The following LIMD2 variants were observed in gnomAD, a reference collection of about 807,000 sequenced individuals.
LIMD2 encodes the protein LIM domain-containing protein 2.
Under a neutral mutation model 16.0 loss-of-function variants are expected in LIMD2, and 11 were observed. The ratio of observed to expected loss-of-function variants is 0.69; its 90% CI spans 0.43 to 1.14. LIMD2 has a LOEUF of 1.14. Ranked by LOEUF, LIMD2 falls within the 50% of genes most tolerant of loss-of-function variation. LIMD2 has a pLI of 0.00. For missense variants in LIMD2, 168 were observed against 165.8 expected, an observed-to-expected ratio of 1.01 and a Z score of -0.07; for synonymous variants, 60 against 67.1, an observed-to-expected ratio of 0.89 and a Z score of 0.52.
Position 63,698,172 on chromosome 17 carries a change from C to T in LIMD2, c.*380G>A, listed in dbSNP as rs1406747598. The T allele has an allele frequency of 4.1e-6, 1 of 244,944 alleles. No homozygotes were observed. Among genetic ancestry groups the T allele is most frequent in the African/African-American group, 2.3e-5 (1 of 44,066 alleles). 15.2% of individuals were successfully genotyped at this position (244,944 alleles called of 1,614,324 possible). A position where few individuals can be genotyped will look rare whatever the true frequency, so the allele number is the denominator to read the frequency against. On this transcript the variant is annotated 3_prime_UTR_variant, in exon 5 of 5. Transcript: ENST00000259006. ...GGTAGATGGGGAGACGTGGGGGCCACACAGTCTCCGGTGGCAGTGAGGGAG... is the reference window on the plus strand; with the variant it reads ...GGTAGATGGGGAGACGTGGGGGCCATACAGTCTCCGGTGGCAGTGAGGGAG...
rs1420750090 is a variant in LIMD2 at position 63,697,459 on chromosome 17, G to A, written c.*1093C>T. 6.6e-6 allele frequency: 1 copy of A among 152,250 alleles called. No individual in the cohort carries two copies. The highest frequency in any genetic ancestry group is 1.5e-5 in the Non-Finnish European group (1 of 68,068). 9.4% of individuals were successfully genotyped at this position (152,250 alleles called of 1,614,324 possible). A position where few individuals can be genotyped will look rare whatever the true frequency, so the allele number is the denominator to read the frequency against. On this transcript the variant is annotated 3_prime_UTR_variant, in exon 5 of 5. Coordinates refer to ENST00000259006, the MANE Select transcript of LIMD2 (RefSeq NM_030576.4). ...CGCGGCAGCTTGCACCCCAGGCACT[G>A]AAGTGCAGCGAGGACAGGCGCCATC...
At position 63,697,005 on chromosome 17, in the gene LIMD2, C is replaced by A. The variant is rs78542048; in HGVS notation, c.*1547G>T. The A allele has an allele frequency of 6.6e-6, 1 of 152,144 alleles. No homozygotes were observed. The highest frequency in any genetic ancestry group is 6.5e-5 in the Admixed American group (1 of 15,276). The allele number at this position is 152,144 out of a possible 1,614,324, so 9.4% of individuals were successfully genotyped here. On this transcript the variant is annotated 3_prime_UTR_variant, in exon 5 of 5. Coordinates refer to ENST00000259006, the MANE Select transcript of LIMD2 (RefSeq NM_030576.4). ...AGGCAGTTGTATGGTGTGGTGGCAG[C>A]AAACCCTCCAGGAGTCTCTGTTCTC... is the stretch of plus-strand genomic sequence containing the variant.
intron 1 of LIMD2, 177 bp downstream of exon 1, chr17:63,699,855 G>C: frequency 1.0e-6 from 1 of 983,016 alleles, no homozygotes; most frequent in Non-Finnish European, 1.2e-6. Context: ...CCCCGCCAGC[G>C]GGTCTCGGCT....
Position 63,700,104 on chromosome 17 carries a change from G to A in LIMD2, c.-123C>T. ...GGGTACGAGGAGGGCGCGGGCGCGAGCTGCTGCCGCTACCAGTGGTCCCCG... is the reference window on the plus strand; with the variant it reads ...GGGTACGAGGAGGGCGCGGGCGCGAACTGCTGCCGCTACCAGTGGTCCCCG... On this transcript the variant is annotated 5_prime_UTR_variant, in exon 1 of 5. Coordinates refer to ENST00000259006, the MANE Select transcript of LIMD2 (RefSeq NM_030576.4). The surrounding 1 kb of genome is among the most constrained non-coding windows in gnomAD (Gnocchi z 7.1). 3 of 984,836 alleles carry A rather than the reference G, an allele frequency of 3.0e-6. No homozygotes were observed. The highest frequency in any genetic ancestry group is 3.6e-6 in the Non-Finnish European group (3 of 829,512). The allele number at this position is 984,836 out of a possible 1,614,324, so 61.0% of individuals were successfully genotyped here.
chr17:63,699,128 C>A, intron 2 of LIMD2, 59 bp from the exon 3 acceptor site: 2 of 1,577,096 alleles, frequency 1.3e-6, no homozygotes, highest in South Asian at 2.3e-5. Context: ...ATCAGGGCTG[C>A]AGCCATCAGC....
At position 63,696,421 on chromosome 17, in the gene LIMD2, C is replaced by T. The variant is rs532872760; in HGVS notation, c.*2131G>A. The T allele has an allele frequency of 1.3e-5, 2 of 152,368 alleles. No individual in the cohort carries two copies. Among genetic ancestry groups the T allele is most frequent in the East Asian group, 3.9e-4 (2 of 5,166 alleles). 9.4% of individuals were successfully genotyped at this position (152,368 alleles called of 1,614,324 possible). On this transcript the variant is annotated 3_prime_UTR_variant, in exon 5 of 5. Transcript: ENST00000259006. ...CCTGGGCCTTTCAAGCAGAAGAGAACTTGACTCCAAGTAGAGGGGTCCTGG... is the reference window on the plus strand; with the variant it reads ...CCTGGGCCTTTCAAGCAGAAGAGAATTTGACTCCAAGTAGAGGGGTCCTGG...
Position 63,698,671 on chromosome 17 carries a change from T to C in LIMD2, c.265A>G (p.Lys89Glu). Residue 89 changes from lysine (K) to glutamate (E), a missense_variant, in exon 5 of 5, where the codon AAA (lysine) becomes GAA (glutamate). Coordinates refer to ENST00000259006, the MANE Select transcript of LIMD2 (RefSeq NM_030576.4). ...YAALHGEFYC[K>E]PHFQQLFKSK... ...TTAAACAGCTGCTGGAAGTGGGGTT[T>C]GCAGTAGAACTCCCCGTGCAGCGCG... 6.2e-7 allele frequency: 1 copy of C among 1,613,604 alleles called. No individual in the cohort carries two copies. Among genetic ancestry groups the C allele is most frequent in the South Asian group, 1.1e-5 (1 of 91,086 alleles).
rs769558546 is a variant in LIMD2, at chr17:63,698,570, G to A, written c.366C>T (p.Pro122=). 1.1e-5 allele frequency: 17 copies of A among 1,613,694 alleles called. No individual in the cohort carries two copies. The South Asian group carries it at 1.6e-4, about 16-fold the overall frequency. ...AGAGGCCTCAGGCCGTCTTGGTGCC[G>A]GGGTCCACCTCCTTGTGGGCCCAGA... The part of the protein sequence containing the change: ...KELWAHKEVD[P]GTKTA Residue 122 remains proline, a synonymous_variant, in exon 5 of 5, where the codon CCC becomes CCT. Transcript: ENST00000259006.
upstream of LIMD2, chr17:63,700,826 C>G (rs989400886): frequency 1.4e-5 from 2 of 147,688 alleles, no homozygotes; most frequent in Non-Finnish European, 2.9e-5. This position sits in a 1 kb window ranked among gnomAD's most constrained non-coding sequence, Gnocchi z 7.1. Context: ...CCCCGGCAGC[C>G]CCCCCAGCCC....
In LIMD2 at chr17:63,699,634, G is replaced by A. The variant is rs1316947414; in HGVS notation, c.-50-286C>T. 3.1e-5 allele frequency: 9 copies of A among 293,776 alleles called. 1 individual carries two copies. Among genetic ancestry groups the A allele is most frequent in the Non-Finnish European group, 5.9e-6 (1 of 170,234 alleles). The allele number at this position is 293,776 out of a possible 1,614,324, so 18.2% of individuals were successfully genotyped here. On this transcript the variant is annotated intron_variant, in intron 1 of 4. Transcript: ENST00000259006. ...CGTGTGCGTCCCGCGGGCTGGGACC[G>A]CTTGGGGTGAGGGGAGGTCGGGGCC...
rs753084438 is a variant in LIMD2 at position 63,698,751 on chromosome 17, G to T, written c.225-40C>A. 1.9e-5 allele frequency: 30 copies of T among 1,612,998 alleles called. No homozygotes were observed. In the South Asian group the frequency reaches 3.3e-4, roughly 18 times the overall value. On this transcript the variant is annotated intron_variant, in intron 4 of 4. Coordinates refer to ENST00000259006, the MANE Select transcript of LIMD2 (RefSeq NM_030576.4). ...CAACGGCGTCAGGTCAGGTCAGGTC[G>T]GGGCTGGGTTGGCAGGCGAGGCGGG...
In LIMD2 at chr17:63,699,286, C is replaced by T. The variant is rs1294873762; in HGVS notation, c.13G>A (p.Ala5Thr). The change falls in exon 2 of 5, where the codon GCA becomes ACA. Residue 5 changes from alanine to threonine, a missense_variant. Physicochemically the swap from Ala to Thr is moderately conservative, Grantham distance 58. Coordinates refer to ENST00000259006, the MANE Select transcript of LIMD2 (RefSeq NM_030576.4). The part of the protein sequence containing the change: MFQA[A>T]GAAQATPSHD... ...GAGGGGGTGGCCTGGGCGGCTCCTG[C>T]AGCCTGGAACATGGCTCGTTGGAGG... is the stretch of plus-strand genomic sequence containing the variant. The T allele has an allele frequency of 6.2e-7, 1 of 1,609,206 alleles. No individual in the cohort carries two copies. The highest frequency in any genetic ancestry group is 1.7e-5 in the Admixed American group (1 of 59,292).
At position 63,698,878 on chromosome 17, in the gene LIMD2, G is replaced by C. The variant is rs765499799; in HGVS notation, c.145C>G (p.Pro49Ala). Residue 49 changes from proline to alanine, a missense_variant, in exon 4 of 5, where the codon CCC (proline) becomes GCC (alanine). Coordinates refer to ENST00000259006, the MANE Select transcript of LIMD2 (RefSeq NM_030576.4). ...TTGTCGGCCACCAGCCGCTCCATGG[G>C]GTACACGGTCTTCTGGCAGGCGGCG... ...TCAACQKTVY[P>A]MERLVADKLI... 6.2e-7 allele frequency: 1 copy of C among 1,612,934 alleles called. No homozygotes were observed. The highest frequency in any genetic ancestry group is 1.1e-5 in the South Asian group (1 of 91,090).
intron 1 of LIMD2, chr17:63,699,789 C>T (rs2035757558): frequency 1.5e-6 from 1 of 682,558 alleles, no homozygotes; most frequent in Admixed American, 6.3e-5. Context: ...CCGCCCCGCC[C>T]CTCGGCCCCC....
rs556825204 is a variant in LIMD2 at position 63,697,904 on chromosome 17, C to A, written c.*648G>T. Reference sequence around the variant, plus strand: ...GGGGAGGGGAGTGGGGCCGCACCAGCCCCTGCCAGTGCCTGAGGCTGCAGC... The same window carrying A: ...GGGGAGGGGAGTGGGGCCGCACCAGACCCTGCCAGTGCCTGAGGCTGCAGC... On this transcript the variant is annotated 3_prime_UTR_variant, in exon 5 of 5. Transcript: ENST00000259006. 5.7e-3 allele frequency: 869 copies of A among 153,296 alleles called. 5 individuals are homozygous for A. Among genetic ancestry groups the A allele is most frequent in the Non-Finnish European group, 8.8e-3 (605 of 68,758 alleles). 9.5% of individuals were successfully genotyped at this position (153,296 alleles called of 1,614,324 possible).
intron 1 of LIMD2, 162 bp from the exon 2 acceptor site, chr17:63,699,510 C>T: frequency 1.6e-6 from 1 of 625,854 alleles, no homozygotes; most frequent in Non-Finnish European, 2.6e-6. Flanking sequence ...CCCACCTCCC[C>T]CACCCCTGCT....
Position 63,698,554 on chromosome 17 carries a change from A to G in LIMD2, c.382T>C (p.Ter128ArgextTer36), listed in dbSNP as rs1223294984. The change falls in exon 5 of 5, where the codon TGA becomes CGA. Residue 128 changes from the stop codon to arginine, a stop_lost. Transcript: ENST00000259006. ...KEVDPGTKTA[*>R] ...GGGGGTGGAAGGTTACAGAGGCCTC[A>G]GGCCGTCTTGGTGCCGGGGTCCACC... 6.2e-7 allele frequency: 1 copy of G among 1,613,458 alleles called. No individual in the cohort carries two copies. Among genetic ancestry groups the G allele is most frequent in the East Asian group, 2.2e-5 (1 of 44,866 alleles).
chr17:63,698,447 T>TC lies in LIMD2; in HGVS notation c.*104dup. ...GTCCCCTACGCCTGAGCAAGCCTCATCCCCTTCCCACCTGGCCCCCACGCA... is the reference window on the plus strand; with the variant it reads ...GTCCCCTACGCCTGAGCAAGCCTCATCCCCCTTCCCACCTGGCCCCCACGCA... On this transcript the variant is annotated 3_prime_UTR_variant, in exon 5 of 5. Transcript: ENST00000259006. The TC allele has an allele frequency of 7.6e-7, 1 of 1,324,112 alleles. No homozygotes were observed. Among genetic ancestry groups the TC allele is most frequent in the African/African-American group, 1.5e-5 (1 of 68,642 alleles). The allele number at this position is 1,324,112 out of a possible 1,614,324, so 82.0% of individuals were successfully genotyped here.
At position 63,696,622 on chromosome 17, in the gene LIMD2, G is replaced by A. The variant is rs2035697786; in HGVS notation, c.*1930C>T. 1 of 152,382 alleles carries A rather than the reference G, an allele frequency of 6.6e-6. No individual in the cohort carries two copies. 9.4% of individuals were successfully genotyped at this position (152,382 alleles called of 1,614,324 possible). ...AGTTCCCGGAGCTTTCATGATATTT[G>A]GTAGGGTCTTCCTGGCCCAGAGGAC... On this transcript the variant is annotated 3_prime_UTR_variant, in exon 5 of 5. Transcript: ENST00000259006.
Sources: allele counts gnomAD v4.1 joint callset, GRCh38; gene constraint gnomAD v4.1.1; non-coding constraint Gnocchi (gnomAD v3.1); transcripts MANE v1.5; gene names NCBI Gene and HGNC (gene_info 2026-07-23, HGNC 2026-07-21).